Variants in ROR1 observed in about 807,000 individuals in gnomAD.
ROR1 encodes the protein inactive tyrosine-protein kinase transmembrane receptor ROR1.
In ROR1, 19 loss-of-function variants were observed where a neutral mutation model predicts 78.8. The ratio of observed to expected loss-of-function variants is 0.24; its 90% CI spans 0.17 to 0.35. ROR1 has a LOEUF of 0.35. Among genes scored for constraint, ROR1 ranks in the 10% least tolerant of loss-of-function variants. ROR1 has a pLI of 1.00. For missense variants in ROR1, 917 were observed against 1,177.8 expected (o/e 0.78, Z 3.24); for synonymous variants, 386 against 433.6 (o/e 0.89, Z 1.36).
chr1:63,839,700 T>A (rs1557521216), intron 1 of ROR1, among the ~76,000 whole-genome samples: 5 of 152,154 alleles, frequency 3.3e-5, no homozygotes, highest in Admixed American at 3.3e-4. Context: ...TACATTTTTA[T>A]CCATAAATGT....
At chr1:64,036,229 C>G (rs572871497) in intron 2 of ROR1, among the ~76,000 whole-genome samples, 179 of 152,310 alleles carry the variant, frequency 1.2e-3, no homozygotes, top group African/African-American at 4.1e-3. Flanking sequence ...TCTTTCTAGG[C>G]TGGCTCCCTA....
At chr1:64,004,073 G>A (rs1251800099) in intron 1 of ROR1, among the ~76,000 whole-genome samples, 1 of 152,266 alleles carries the variant, frequency 6.6e-6, no homozygotes, top group African/African-American at 2.4e-5. Flanking sequence ...GGCTATACAC[G>A]GCAGAACATG....
At position 63,937,560 on chromosome 1, in the gene ROR1, T is replaced by A. The variant is rs139714466; in HGVS notation, c.92-71745T>A. Among the ~76,000 whole-genome samples the A allele has an allele frequency of 2.6e-4, 40 of 151,966 alleles. No individual in the cohort carries two copies. In the East Asian group the frequency reaches 7.8e-3, roughly 30 times the overall value. On this transcript the variant is annotated intron_variant, in intron 1 of 8. Transcript: ENST00000371079. ...ATACATGTGTGGTGACCACATCTCATCTTCTAGTGCAAGCTGCTCTGGATA... is the reference window on the plus strand; with the variant it reads ...ATACATGTGTGGTGACCACATCTCAACTTCTAGTGCAAGCTGCTCTGGATA...
At chr1:63,936,423 G>A (rs912841111) in intron 1 of ROR1, among the ~76,000 whole-genome samples, 25 of 152,096 alleles carry the variant, frequency 1.6e-4, no homozygotes, top group African/African-American at 5.3e-4. Flanking sequence ...GCTTTGGGGG[G>A]AATAATGACT....
rs560160064 is a variant in ROR1 at position 64,007,348 on chromosome 1, C to T, written c.92-1957C>T. Among the ~76,000 whole-genome samples, 24 of 150,160 alleles carry T rather than the reference C, an allele frequency of 1.6e-4. 1 individual carries two copies. In the Admixed American group the frequency reaches 1.6e-3, roughly 10 times the overall value. ...ACCCTGGGTCCTCTAAGGTCCTGTCCAGCCCTAATATTCTCTAGTAATGTT... is the reference window on the plus strand; with the variant it reads ...ACCCTGGGTCCTCTAAGGTCCTGTCTAGCCCTAATATTCTCTAGTAATGTT... On this transcript the variant is annotated intron_variant, in intron 1 of 8. Coordinates refer to ENST00000371079, the MANE Select transcript of ROR1 (RefSeq NM_005012.4).
intron 4 of ROR1, among the ~76,000 whole-genome samples, chr1:64,073,658 A>G (rs1164211421): frequency 6.6e-6 from 1 of 152,220 alleles, no homozygotes; most frequent in Non-Finnish European, 1.5e-5. Flanking sequence ...CTTCAGAGAA[A>G]GTTAGATGCA....
At chr1:64,053,941 T>C (rs549437485) in intron 4 of ROR1, among the ~76,000 whole-genome samples, 1 of 150,896 alleles carries the variant, frequency 6.6e-6, no homozygotes, top group African/African-American at 2.5e-5. Context: ...TTGTTTTTCT[T>C]TTTGTTTTAT....
intron 4 of ROR1, among the ~76,000 whole-genome samples, chr1:64,120,859 C>T (rs1471585817): frequency 6.6e-6 from 1 of 152,124 alleles, no homozygotes. Flanking sequence ...ATGGCTTAAT[C>T]AAGGTAGAAA....
chr1:64,155,927 C>T (rs1173409953), intron 7 of ROR1, among the ~76,000 whole-genome samples: 4 of 152,144 alleles, frequency 2.6e-5, no homozygotes, highest in Non-Finnish European at 4.4e-5. Flanking sequence ...AAGGTTCTTT[C>T]ATGAACATTA....
At chr1:63,935,057 T>A (rs1430639733) in intron 1 of ROR1, among the ~76,000 whole-genome samples, 1 of 142,368 alleles carries the variant, frequency 7.0e-6, no homozygotes, top group East Asian at 2.1e-4. Flanking sequence ...GAGGGGAGAA[T>A]GATTGTAAAC....
At chr1:64,054,680 C>T (rs1646859867) in intron 4 of ROR1, among the ~76,000 whole-genome samples, 1 of 152,144 alleles carries the variant, frequency 6.6e-6, no homozygotes, top group African/African-American at 2.4e-5. Context: ...ATACTTCATA[C>T]ATTATCCTAG....
intron 4 of ROR1, among the ~76,000 whole-genome samples, chr1:64,132,236 C>A (rs1457473858): frequency 6.6e-6 from 1 of 152,150 alleles, no homozygotes; most frequent in Admixed American, 6.6e-5. Context: ...GTACCTCATT[C>A]ATTTTTCATG....
At chr1:64,017,748 C>T (rs1183696271) in intron 2 of ROR1, among the ~76,000 whole-genome samples, 1 of 152,166 alleles carries the variant, frequency 6.6e-6, no homozygotes, top group Admixed American at 6.5e-5. Flanking sequence ...AGCATAGAAC[C>T]CCACCTCCAT....
chr1:63,924,832 A>G (rs1240510368), intron 1 of ROR1, among the ~76,000 whole-genome samples: 4 of 151,930 alleles, frequency 2.6e-5, no homozygotes, highest in Non-Finnish European at 5.9e-5. Flanking sequence ...AAGGAGTGAC[A>G]TCTAATCTAA....
chr1:64,163,472 C>T (rs1271102429), intron 8 of ROR1, among the ~76,000 whole-genome samples: 1 of 152,074 alleles, frequency 6.6e-6, no homozygotes, highest in Admixed American at 6.5e-5. Context: ...AGAGTCAAGG[C>T]AGGCCAGGGG....
At chr1:63,907,513 A>C (rs1019221136) in intron 1 of ROR1, among the ~76,000 whole-genome samples, 10 of 152,180 alleles carry the variant, frequency 6.6e-5, no homozygotes, top group African/African-American at 2.2e-4. Flanking sequence ...CACAAACCAG[A>C]TATGTGACAT....
chr1:64,066,221 T>C (rs1439968959), intron 4 of ROR1, among the ~76,000 whole-genome samples: 1 of 152,164 alleles, frequency 6.6e-6, no homozygotes, highest in African/African-American at 2.4e-5. Flanking sequence ...CGTTAAAATA[T>C]AACATGATGA....
intron 1 of ROR1, among the ~76,000 whole-genome samples, chr1:63,834,185 T>C (rs1378667054): frequency 2.0e-5 from 3 of 148,450 alleles, no homozygotes; most frequent in Admixed American, 2.0e-4. Flanking sequence ...TGGAGAAGCC[T>C]CCGGAAGCAT....
rs542885328 is a variant in ROR1 at position 64,032,747 on chromosome 1, A to G, written c.164-16944A>G. 1.4e-4 allele frequency among the ~76,000 whole-genome samples: 21 copies of G among 152,336 alleles called. No individual in the cohort carries two copies. In the South Asian group the frequency reaches 4.4e-3, roughly 32 times the overall value. Reference sequence around the variant, plus strand: ...TTTGTTTCTTCTTAATCACAGTCCTATTGTAAGCCTCAAGGATTTAGGACC... The same window carrying G: ...TTTGTTTCTTCTTAATCACAGTCCTGTTGTAAGCCTCAAGGATTTAGGACC... On this transcript the variant is annotated intron_variant, in intron 2 of 8. Transcript: ENST00000371079.
Sources: gnomAD v4.1 joint callset for allele counts (sites outside exome capture counted in the v4.1 genomes callset) on GRCh38, gnomAD v4.1.1 for gene constraint, MANE v1.5 for transcripts, NCBI Gene and HGNC (gene_info 2026-07-23, HGNC 2026-07-21) for gene names.